NRG2: variants seen among roughly 807,000 people sequenced by gnomAD.
The protein encoded by NRG2 is pro-neuregulin-2, membrane-bound isoform.
A neutral mutation model predicts 73.9 loss-of-function variants in NRG2; 27 were observed. The observed-to-expected ratio is 0.37, with a 90% CI of 0.27 to 0.50. The LOEUF (loss-of-function observed/expected upper bound fraction) is 0.50. NRG2 is among the 20% of genes least tolerant of loss of function. NRG2 has a pLI of 0.96. For synonymous variants in NRG2, 532 were observed against 541.0 expected (o/e 0.98, Z 0.23); for missense variants, 1,126 against 1,210.1 (o/e 0.93, Z 1.03).
At chr5:139,881,060 C>T (rs192604159) in intron 2 of NRG2, 86 bp from the exon 3 acceptor site, 1 of 1,008,522 alleles carries the variant, frequency 9.9e-7, no homozygotes, top group African/African-American at 1.6e-5. Context: ...TTGCCTCTCT[C>T]CACAGAGCCA....
At chr5:140,014,013 T>A (rs950870659) in intron 1 of NRG2, among the ~76,000 whole-genome samples, 1 of 152,166 alleles carries the variant, frequency 6.6e-6, no homozygotes, top group Non-Finnish European at 1.5e-5. Context: ...CTACCTATGT[T>A]CATTCCTTTG....
chr5:140,017,153 A>G (rs1170694725), intron 1 of NRG2, among the ~76,000 whole-genome samples: 1 of 152,228 alleles, frequency 6.6e-6, no homozygotes, highest in Non-Finnish European at 1.5e-5. Flanking sequence ...TAAAAAGCAG[A>G]TAGACTCCAG....
intron 1 of NRG2, among the ~76,000 whole-genome samples, chr5:140,038,714 G>T (rs896905247): frequency 7.9e-5 from 12 of 152,194 alleles, no homozygotes; most frequent in African/African-American, 2.2e-4. Flanking sequence ...GGAGAAAGAA[G>T]ACCTCAAAGA....
chr5:139,875,058 C>T (rs975085036), intron 3 of NRG2, among the ~76,000 whole-genome samples: 1 of 152,234 alleles, frequency 6.6e-6, no homozygotes, highest in African/African-American at 2.4e-5. Flanking sequence ...GTTGCCCAGG[C>T]TGGAGTGCAA....
Position 139,865,263 on chromosome 5 carries a change from G to C in NRG2, c.1189+286C>G. On this transcript the variant is annotated intron_variant, in intron 5 of 9. Transcript: ENST00000361474. This position sits in a 1 kb window ranked among gnomAD's most constrained non-coding sequence, Gnocchi z 5.2. Reference sequence around the variant, plus strand: ...CCGGCACGGGCTCCTGCCAATGCCAGCTGGGTTCCTTGCCACCGTTACCAT... The same window carrying C: ...CCGGCACGGGCTCCTGCCAATGCCACCTGGGTTCCTTGCCACCGTTACCAT... 1 of 1,092,484 alleles carries C rather than the reference G, an allele frequency of 9.2e-7. No individual in the cohort carries two copies. Among genetic ancestry groups the C allele is most frequent in the Non-Finnish European group, 1.4e-6 (1 of 713,318 alleles). The allele number at this position is 1,092,484 out of a possible 1,614,324, so 67.7% of individuals were successfully genotyped here.
chr5:139,915,365 GT>G lies in NRG2; in HGVS notation c.701-27855del, dbSNP rs1196239759. On this transcript the variant is annotated intron_variant, in intron 1 of 9. Transcript: ENST00000361474. This position sits in a 1 kb window ranked among gnomAD's most constrained non-coding sequence, Gnocchi z 4.0. ...AGAGCATTTCTGCTTGGGGTCACCAGTTGAAATGAGGATTCAATTCAGCAGT... is the reference window on the plus strand; with the variant it reads ...AGAGCATTTCTGCTTGGGGTCACCAGTGAAATGAGGATTCAATTCAGCAGT... 6.6e-6 allele frequency among the ~76,000 whole-genome samples: 1 copy of G among 152,224 alleles called. No homozygotes were observed. The highest frequency in any genetic ancestry group is 1.5e-5 in the Non-Finnish European group (1 of 68,038).
rs544644173 is a variant in NRG2, at chr5:139,851,127, C to T, written c.1772+477G>A. ...TCAGCCTCCCAAGTAGCTGTGATTA[C>T]AGGCATGTGCCACCATGCCTGGCTA... On this transcript the variant is annotated intron_variant, in intron 9 of 9. Transcript: ENST00000361474. This position sits in a 1 kb window ranked among gnomAD's most constrained non-coding sequence, Gnocchi z 4.2. Among the ~76,000 whole-genome samples, 33 of 152,216 alleles carry T rather than the reference C, an allele frequency of 2.2e-4. No individual in the cohort carries two copies. In the South Asian group the frequency reaches 6.8e-3, roughly 32 times the overall value.
chr5:139,955,857 C>G (rs1017043981), intron 1 of NRG2, among the ~76,000 whole-genome samples: 8 of 152,056 alleles, frequency 5.3e-5, no homozygotes, highest in Admixed American at 4.6e-4. Context: ...CAGGGGGAGT[C>G]CCAGGCCAGA....
intron 1 of NRG2, among the ~76,000 whole-genome samples, chr5:139,982,398 C>T (rs1756870733): frequency 6.6e-6 from 1 of 152,102 alleles, no homozygotes; most frequent in Non-Finnish European, 1.5e-5. Context: ...AGGACTGTGT[C>T]CTGGCCCCCG....
rs753835282 is a variant in NRG2 at position 139,904,350 on chromosome 5, T to C, written c.701-16839A>G. 19 of 1,593,242 alleles carry C rather than the reference T, an allele frequency of 1.2e-5. No homozygotes were observed. In the South Asian group the frequency reaches 1.9e-4, roughly 16 times the overall value. ...GCTCCCTCTCCCGCTTCCTCCCCTC[T>C]GGGTGCTTCTTGCCGCGGCCGCGGC... On this transcript the variant is annotated intron_variant, in intron 1 of 9. Transcript: ENST00000361474. This position sits in a 1 kb window ranked among gnomAD's most constrained non-coding sequence, Gnocchi z 6.0.
At chr5:140,022,968 C>A (rs1760359763) in intron 1 of NRG2, among the ~76,000 whole-genome samples, 1 of 152,188 alleles carries the variant, frequency 6.6e-6, no homozygotes, top group Non-Finnish European at 1.5e-5. Flanking sequence ...ATCACCAAGT[C>A]TCACAGATTC....
intron 1 of NRG2, among the ~76,000 whole-genome samples, chr5:139,974,634 T>A (rs1756240217): frequency 1.3e-5 from 2 of 152,188 alleles, no homozygotes; most frequent in African/African-American, 4.8e-5. Flanking sequence ...AGAGCCTACA[T>A]CATTAAAAAT....
At position 139,848,478 on chromosome 5, in the gene NRG2, G is replaced by C; in HGVS notation, c.1992C>G (p.Pro664=). The C allele has an allele frequency of 7.5e-7, 1 of 1,336,282 alleles. No individual in the cohort carries two copies. Among genetic ancestry groups the C allele is most frequent in the African/African-American group, 1.7e-5 (1 of 59,834 alleles). The allele number at this position is 1,336,282 out of a possible 1,614,324, so 82.8% of individuals were successfully genotyped here. A position where few individuals can be genotyped will look rare whatever the true frequency, so the allele number is the denominator to read the frequency against. The change falls in exon 10 of 10, where the codon CCC becomes CCG. Residue 664 remains proline (P), a synonymous_variant. Transcript: ENST00000361474. ...TGCGCTGCATGTCTGCGCCGGGCCC[G>C]GGCCCGGGCCCGGGTCCGGGTCCCG... The part of the protein sequence containing the change: ...PGPGPGPGPG[P]GPGADMQRSY...
intron 1 of NRG2, among the ~76,000 whole-genome samples, chr5:140,033,446 GA>G (rs951447107): frequency 3.9e-5 from 6 of 152,216 alleles, no homozygotes; most frequent in African/African-American, 1.4e-4. Flanking sequence ...TCCCATTTGT[GA>G]AACAGAGAAA....
intron 1 of NRG2, among the ~76,000 whole-genome samples, chr5:139,995,713 T>C (rs1757968662): frequency 1.3e-5 from 2 of 152,054 alleles, no homozygotes; most frequent in South Asian, 4.1e-4. Context: ...ATTCCAACTC[T>C]CTTATTGAAA....
chr5:140,007,939 G>A (rs1014608090), intron 1 of NRG2, among the ~76,000 whole-genome samples: 15 of 152,192 alleles, frequency 9.9e-5, no homozygotes, highest in Non-Finnish European at 1.6e-4. Context: ...CAGCTATGGC[G>A]AAGCCGATAC....
chr5:140,031,054 G>A (rs1761104541), intron 1 of NRG2, among the ~76,000 whole-genome samples: 1 of 152,132 alleles, frequency 6.6e-6, no homozygotes, highest in African/African-American at 2.4e-5. Flanking sequence ...TACTGGATTT[G>A]GTCCCACCCT....
chr5:140,017,223 A>G (rs1759859412), intron 1 of NRG2, among the ~76,000 whole-genome samples: 1 of 152,192 alleles, frequency 6.6e-6, no homozygotes, highest in Non-Finnish European at 1.5e-5. Context: ...AAGGGAACAC[A>G]AAGTGCAACT....
At chr5:139,981,489 C>T (rs1206188428) in intron 1 of NRG2, among the ~76,000 whole-genome samples, 1 of 152,220 alleles carries the variant, frequency 6.6e-6, no homozygotes, top group East Asian at 1.9e-4. Flanking sequence ...GAAGGCATTC[C>T]CTGTGGCCGT....
Sources: allele counts gnomAD v4.1 joint callset (sites outside exome capture counted in the v4.1 genomes callset), GRCh38; gene constraint gnomAD v4.1.1; non-coding constraint Gnocchi (gnomAD v3.1); transcripts MANE v1.5; gene names NCBI Gene and HGNC (gene_info 2026-07-23, HGNC 2026-07-21).